Variants in EFHB observed in about 807,000 individuals in gnomAD.
EFHB encodes EF-hand domain-containing family member B.
A neutral mutation model predicts 87.2 loss-of-function variants in EFHB; 91 were observed. The ratio of observed to expected loss-of-function variants is 1.04; its 90% CI spans 0.88 to 1.24. The LOEUF (loss-of-function observed/expected upper bound fraction) is 1.24. Ranked by LOEUF, EFHB falls within the 50% of genes most tolerant of loss-of-function variation. The probability of loss-of-function intolerance (pLI) is 0.00; values close to 1 mark genes in which losing one functional copy is unlikely to be tolerated. For synonymous variants in EFHB, 325 were observed against 333.6 expected (o/e 0.97, Z 0.28); for missense variants, 1,084 against 998.8 (o/e 1.09, Z -1.15).
At chr3:19,884,337 A>G in intron 11 of EFHB, 66 bp downstream of exon 11, 1 of 1,422,462 alleles carries the variant, frequency 7.0e-7, no homozygotes, top group Non-Finnish European at 9.6e-7. Context: ...AAGGCAGGGG[A>G]CAATGCAAGG....
intron 6 of EFHB, among the ~76,000 whole-genome samples, chr3:19,902,242 G>A (rs1575011862): frequency 6.6e-6 from 1 of 152,134 alleles, no homozygotes; most frequent in African/African-American, 2.4e-5. Context: ...ACTCGCACAG[G>A]CATGCCTACA....
At chr3:19,901,573 G>A (rs371318735) in intron 6 of EFHB, among the ~76,000 whole-genome samples, 2 of 152,018 alleles carry the variant, frequency 1.3e-5, no homozygotes, top group Non-Finnish European at 2.9e-5. Flanking sequence ...ATTTGTTGGC[G>A]GGGGGGAAGA....
intron 3 of EFHB, among the ~76,000 whole-genome samples, chr3:19,919,567 T>C (rs571142987): frequency 1.3e-5 from 2 of 152,180 alleles, no homozygotes; most frequent in African/African-American, 4.8e-5. Context: ...TGTGAGAAAA[T>C]GGAATGCAAC....
At chr3:19,886,137 T>C (rs538619291) in intron 10 of EFHB, among the ~76,000 whole-genome samples, 1 of 152,330 alleles carries the variant, frequency 6.6e-6, no homozygotes, top group South Asian at 2.1e-4. Flanking sequence ...CACTACTTCA[T>C]GAGTTGTGCC....
chr3:19,936,493 A>G (rs1696025340), upstream of EFHB, among the ~76,000 whole-genome samples: 1 of 151,804 alleles, frequency 6.6e-6, no homozygotes, highest in Admixed American at 6.6e-5. Context: ...GAGCCCAGGA[A>G]TTGAAGGCTG....
At chr3:19,940,321 G>A (rs1696127769) in intron 1 of EFHB, 2 of 297,002 alleles carry the variant, frequency 6.7e-6, no homozygotes, top group Non-Finnish European at 1.4e-5. Flanking sequence ...TCCACCAACA[G>A]TGAATCCCCT....
rs73188445 is a variant in EFHB at position 19,897,102 on chromosome 3, A to G, written c.1571-261T>C. Among the ~76,000 whole-genome samples the G allele has an allele frequency of 7.8e-3, 1,189 of 152,298 alleles. 10 individuals are homozygous for G. The highest frequency in any genetic ancestry group is 0.025 in the African/African-American group (1,024 of 41,562). On this transcript the variant is annotated intron_variant, in intron 8 of 12. Transcript: ENST00000295824. ...AATGAATTTTGTGTGGACATCACCA[A>G]CCGCACTCAACTGTCAAGTCTTTTC...
intron 3 of EFHB, among the ~76,000 whole-genome samples, 169 bp downstream of exon 3, chr3:19,919,664 C>T (rs1485745237): frequency 6.6e-6 from 1 of 151,856 alleles, no homozygotes; most frequent in Non-Finnish European, 1.5e-5. Flanking sequence ...TGCTGCTTGG[C>T]TTTTTTTTAC....
chr3:19,924,137 G>A (rs2125156720), intron 1 of EFHB, among the ~76,000 whole-genome samples: 1 of 151,708 alleles, frequency 6.6e-6, no homozygotes, highest in South Asian at 2.1e-4. Flanking sequence ...GCCAAATGAG[G>A]ACTTTCTAAT....
chr3:19,913,550 C>T (rs894826796), intron 5 of EFHB, among the ~76,000 whole-genome samples: 1 of 151,992 alleles, frequency 6.6e-6, no homozygotes, highest in Non-Finnish European at 1.5e-5. Context: ...GAGCAGGACA[C>T]CAAAAAATCA....
intron 6 of EFHB, 104 bp downstream of exon 6, chr3:19,905,516 C>T: frequency 3.2e-6 from 4 of 1,246,982 alleles, no homozygotes; most frequent in Non-Finnish European, 4.5e-6. Context: ...TTGTTTGAAC[C>T]ATATCATTTT....
At chr3:19,923,179 A>G (rs1695497257) in intron 1 of EFHB, among the ~76,000 whole-genome samples, 1 of 152,054 alleles carries the variant, frequency 6.6e-6, no homozygotes, top group South Asian at 2.1e-4. Context: ...AGGCAGGAGA[A>G]TCACTGGAAC....
intron 10 of EFHB, among the ~76,000 whole-genome samples, chr3:19,887,324 G>C (rs2125126886): frequency 6.8e-6 from 1 of 147,774 alleles, no homozygotes; most frequent in Non-Finnish European, 1.5e-5. Flanking sequence ...GGTAGAGATT[G>C]CAGTGAGCCA....
chr3:19,941,168 C>A, intron 1 of EFHB: 1 of 385,934 alleles, frequency 2.6e-6, no homozygotes, highest in South Asian at 3.3e-5. Context: ...GTAGAACCAC[C>A]ATCCAGGAAA....
At chr3:19,941,097 C>A in intron 1 of EFHB, 1 of 378,142 alleles carries the variant, frequency 2.6e-6, no homozygotes, top group South Asian at 3.8e-5. Context: ...GGCTGATGCT[C>A]TTATTCAGTT....
intron 6 of EFHB, among the ~76,000 whole-genome samples, chr3:19,900,126 G>C (rs191957982): frequency 6.6e-6 from 1 of 152,160 alleles, no homozygotes; most frequent in East Asian, 1.9e-4. Context: ...AGAAAATTAA[G>C]CATCAGGCCA....
intron 4 of EFHB, among the ~76,000 whole-genome samples, chr3:19,917,750 T>C (rs1695282903): frequency 1.3e-5 from 2 of 152,214 alleles, no homozygotes; most frequent in Admixed American, 1.3e-4. Flanking sequence ...AACTATGCAC[T>C]CTGCTCTGTA....
intron 6 of EFHB, among the ~76,000 whole-genome samples, chr3:19,903,965 G>C (rs1694755436): frequency 6.6e-6 from 1 of 152,162 alleles, no homozygotes; most frequent in African/African-American, 2.4e-5. Flanking sequence ...CACCTATCCT[G>C]TGGAGTTCTT....
intron 1 of EFHB, among the ~76,000 whole-genome samples, chr3:19,928,819 T>C (rs912274338): frequency 6.6e-6 from 1 of 151,978 alleles, no homozygotes; most frequent in African/African-American, 2.4e-5. Flanking sequence ...TAGAGATAGA[T>C]GAAAGGTATA....
Sources: allele counts gnomAD v4.1 joint callset (sites outside exome capture counted in the v4.1 genomes callset), GRCh38; gene constraint gnomAD v4.1.1; transcripts MANE v1.5; gene names NCBI Gene and HGNC (gene_info 2026-07-23, HGNC 2026-07-21).